PRKN: variants seen among roughly 807,000 people sequenced by gnomAD.
The protein encoded by PRKN is E3 ubiquitin-protein ligase parkin.
Under a neutral mutation model 59.5 loss-of-function variants are expected in PRKN, and 56 were observed. The ratio of observed to expected loss-of-function variants is 0.94; its 90% CI spans 0.76 to 1.18. The LOEUF (loss-of-function observed/expected upper bound fraction) is 1.18. Ranked by LOEUF, PRKN falls within the 50% of genes most tolerant of loss-of-function variation. PRKN has a pLI of 0.00. For synonymous variants in PRKN, 250 were observed against 222.1 expected (o/e 1.13, Z -1.12); for missense variants, 657 against 596.4 (o/e 1.10, Z -1.06).
At chr6:162,102,444 T>C (rs577922806) in intron 4 of PRKN, among the ~76,000 whole-genome samples, 2 of 152,320 alleles carry the variant, frequency 1.3e-5, no homozygotes, top group African/African-American at 4.8e-5. Flanking sequence ...GTTAGGTTAA[T>C]CTAGACATGG....
rs183335985 is a variant in PRKN at position 162,446,174 on chromosome 6, G to A, written c.8-2701C>T. Among the ~76,000 whole-genome samples the A allele has an allele frequency of 1.6e-4, 24 of 152,264 alleles. 1 individual carries two copies. The East Asian group carries it at 2.3e-3, about 15-fold the overall frequency. On this transcript the variant is annotated intron_variant, in intron 1 of 11. Transcript: ENST00000366898. ...ATCTTCACAGCATCCTCAGATCAGA[G>A]ACCATAAGACAACCAATTCATCAGA...
chr6:162,084,561 C>T (rs1779178459), intron 4 of PRKN, among the ~76,000 whole-genome samples: 1 of 152,074 alleles, frequency 6.6e-6, no homozygotes, highest in South Asian at 2.1e-4. Context: ...AATCATAATA[C>T]ATTTATGAAT....
rs1326464003 is a variant in PRKN at position 161,468,495 on chromosome 6, C to A, written c.1083+80359G>T. ...AGCCTGACTCCATTTTTGCCTCACT[C>A]CCCATTTATTGACATGTGCTTATTA... On this transcript the variant is annotated intron_variant, in intron 9 of 11. Transcript: ENST00000366898. The surrounding 1 kb of genome is among the most constrained non-coding windows in gnomAD (Gnocchi z 5.9). Among the ~76,000 whole-genome samples the A allele has an allele frequency of 1.3e-5, 2 of 152,118 alleles. 1 individual carries two copies. Among genetic ancestry groups the A allele is most frequent in the Non-Finnish European group, 2.9e-5 (2 of 68,012 alleles).
At chr6:162,326,039 T>A (rs917629163) in intron 2 of PRKN, among the ~76,000 whole-genome samples, 7 of 152,094 alleles carry the variant, frequency 4.6e-5, no homozygotes, top group African/African-American at 1.7e-4. Context: ...GAGTCCAAAT[T>A]CCTTTACTGC....
At chr6:161,514,896 T>C (rs545310) in intron 9 of PRKN, among the ~76,000 whole-genome samples, 121,662 of 152,018 alleles carry the variant, frequency 0.8, 48,979 homozygotes, top group Middle Eastern at 0.87. Context: ...CGGAGTCCTC[T>C]GGGTTCCTCT....
At chr6:161,860,626 T>G (rs1265698180) in intron 6 of PRKN, among the ~76,000 whole-genome samples, 7 of 152,168 alleles carry the variant, frequency 4.6e-5, no homozygotes. Context: ...TGAAGTTCCT[T>G]GTAGATTCTG....
intron 1 of PRKN, among the ~76,000 whole-genome samples, chr6:162,716,999 G>A (rs950159847): frequency 4.6e-5 from 7 of 152,188 alleles, no homozygotes; most frequent in African/African-American, 1.2e-4. Context: ...ACTGTTTCCC[G>A]ATATGACAAA....
chr6:162,013,195 A>T (rs1476161641), intron 5 of PRKN, among the ~76,000 whole-genome samples: 2 of 152,148 alleles, frequency 1.3e-5, no homozygotes, highest in Non-Finnish European at 2.9e-5. Context: ...TGGTTATATC[A>T]TACAGACCCA....
chr6:162,226,080 AATAATAATAATAATAAT>A (rs1336406914), intron 3 of PRKN, among the ~76,000 whole-genome samples: 3 of 113,680 alleles, frequency 2.6e-5, no homozygotes, highest in African/African-American at 4.1e-5. Flanking sequence ...TAATAATAAT[AATAATAATAATAATAAT>A]AAAATTAGAT....
intron 1 of PRKN, among the ~76,000 whole-genome samples, chr6:162,496,539 CTCAGTAGATAATAAATG>C (rs1384742748): frequency 1.2e-4 from 19 of 152,246 alleles, no homozygotes; most frequent in Non-Finnish European, 2.6e-4. Flanking sequence ...AAGTTGACTC[CTCAGTAGATAATAAATG>C]TCTCAGATGA....
intron 7 of PRKN, among the ~76,000 whole-genome samples, chr6:161,671,795 G>A (rs898995939): frequency 6.6e-6 from 1 of 152,090 alleles, no homozygotes; most frequent in African/African-American, 2.4e-5. Context: ...AATAAACAAC[G>A]CTGTGTTCAT....
intron 4 of PRKN, among the ~76,000 whole-genome samples, chr6:162,121,344 T>C (rs961065768): frequency 2.6e-5 from 4 of 152,060 alleles, no homozygotes; most frequent in East Asian, 1.9e-4. Flanking sequence ...TTCTTGGGGG[T>C]TGAATGCTTC....
intron 4 of PRKN, among the ~76,000 whole-genome samples, chr6:162,172,397 T>G (rs936288478): frequency 1.3e-5 from 2 of 152,212 alleles, no homozygotes; most frequent in Admixed American, 1.3e-4. Context: ...TTGTTTCGCA[T>G]GCACTCTGTG....
intron 2 of PRKN, chr6:162,267,329 GTTCAAAGCCACAT>G (rs1234887072): frequency 4.0e-5 from 6 of 149,654 alleles, no homozygotes; most frequent in Non-Finnish European, 7.4e-5. Context: ...CACTGGTTCA[GTTCAAAGCCACAT>G]TCCATGGACA....
intron 2 of PRKN, among the ~76,000 whole-genome samples, chr6:162,357,962 T>C (rs940325504): frequency 6.6e-6 from 1 of 152,152 alleles, no homozygotes; most frequent in Non-Finnish European, 1.5e-5. Flanking sequence ...GTAGTGGTGC[T>C]CTTCTGCATG....
chr6:161,708,478 A>G (rs200334149), intron 7 of PRKN, among the ~76,000 whole-genome samples: 2 of 148,794 alleles, frequency 1.3e-5, no homozygotes, highest in Non-Finnish European at 3.0e-5. Context: ...AAAAAAAAAA[A>G]GGAGAAACAT....
In PRKN at chr6:161,563,907, A is replaced by G. The variant is rs114358646; in HGVS notation, c.933+5448T>C. Among the ~76,000 whole-genome samples the G allele has an allele frequency of 6.7e-3, 1,021 of 152,332 alleles. 12 individuals carry two copies. The highest frequency in any genetic ancestry group is 0.023 in the African/African-American group (950 of 41,584). ...AGCTGGAATATAAACAGCATTTAAA[A>G]TCAGAGGAATTTTAGTATAGCACAA... On this transcript the variant is annotated intron_variant, in intron 8 of 11. Coordinates refer to ENST00000366898, the MANE Select transcript of PRKN (RefSeq NM_004562.3).
At chr6:161,406,292 T>C (rs1787274026) in intron 9 of PRKN, among the ~76,000 whole-genome samples, 1 of 152,010 alleles carries the variant, frequency 6.6e-6, no homozygotes, top group Non-Finnish European at 1.5e-5. Flanking sequence ...TCTACTTTTC[T>C]CAATTTTTTT....
At chr6:162,126,013 CA>C (rs1227156467) in intron 4 of PRKN, among the ~76,000 whole-genome samples, 1 of 152,170 alleles carries the variant, frequency 6.6e-6, no homozygotes, top group East Asian at 1.9e-4. Flanking sequence ...GCCACAGAAG[CA>C]GGGCTTCTGT....
Sources: allele counts gnomAD v4.1 joint callset (sites outside exome capture counted in the v4.1 genomes callset), GRCh38; gene constraint gnomAD v4.1.1; non-coding constraint Gnocchi (gnomAD v3.1); transcripts MANE v1.5; gene names NCBI Gene and HGNC (gene_info 2026-07-23, HGNC 2026-07-21).